Variants in ENOX1 observed in about 807,000 individuals in gnomAD.
The protein encoded by ENOX1 is candidate growth-related and time keeping constitutive hydroquinone (NADH) oxidase.
Under a neutral mutation model 82.5 loss-of-function variants are expected in ENOX1, and 42 were observed. That is an observed-to-expected ratio of 0.51 (90% CI 0.40 to 0.66). The LOEUF is 0.66. ENOX1 is among the 30% of genes least tolerant of loss of function. The pLI is 0.00. For missense variants in ENOX1, 608 were observed against 811.6 expected, an observed-to-expected ratio of 0.75 and a Z score of 3.05; for synonymous variants, 271 against 282.2, an observed-to-expected ratio of 0.96 and a Z score of 0.40.
chr13:43,283,778 C>T (rs778955836), intron 12 of ENOX1, among the ~76,000 whole-genome samples: 1 of 151,810 alleles, frequency 6.6e-6, no homozygotes, highest in Non-Finnish European at 1.5e-5. Flanking sequence ...AAATTGGATG[C>T]TTACCTCACT....
intron 12 of ENOX1, among the ~76,000 whole-genome samples, chr13:43,290,425 AAG>A (rs2045934831): frequency 6.6e-6 from 1 of 152,196 alleles, no homozygotes; most frequent in African/African-American, 2.4e-5. Flanking sequence ...AACCATAAAA[AAG>A]AATGAAATCA....
Position 43,222,968 on chromosome 13 carries a change from G to A in ENOX1, c.1800+1085C>T, listed in dbSNP as rs150697384. Among the ~76,000 whole-genome samples the A allele has an allele frequency of 4.6e-5, 7 of 152,272 alleles. No individual in the cohort carries two copies. In the East Asian group the frequency reaches 1.4e-3, roughly 29 times the overall value. On this transcript the variant is annotated intron_variant, in intron 16 of 16. Transcript: ENST00000690772. ...TGTTTTGTTCTACCCTGTCATGAAA[G>A]GCATGAAATCTGTATGACTGAAAAG...
At chr13:43,359,767 A>C (rs2050377317) in intron 7 of ENOX1, 84 bp downstream of exon 7, 2 of 1,312,202 alleles carry the variant, frequency 1.5e-6, no homozygotes, top group Non-Finnish European at 2.2e-6. Flanking sequence ...TTTATTTTGC[A>C]TGAAGGCCAA....
intron 5 of ENOX1, among the ~76,000 whole-genome samples, chr13:43,396,174 C>T (rs989339393): frequency 2.0e-5 from 3 of 152,288 alleles, no homozygotes; most frequent in South Asian, 2.1e-4. Flanking sequence ...GCCACTGCTA[C>T]GTCAAAAGCC....
chr13:43,691,639 G>T (rs576127751), intron 1 of ENOX1, among the ~76,000 whole-genome samples: 6 of 150,128 alleles, frequency 4.0e-5, no homozygotes, highest in African/African-American at 1.5e-4. Flanking sequence ...CCCTCCCTTG[G>T]TTCATTCCTA....
At chr13:43,714,815 A>C (rs549502130) in intron 1 of ENOX1, among the ~76,000 whole-genome samples, 1 of 152,164 alleles carries the variant, frequency 6.6e-6, no homozygotes, top group South Asian at 2.1e-4. Flanking sequence ...TGTCTCTGCA[A>C]GTGAGATGCG....
At chr13:43,416,207 CTGGG>C (rs1417567772) in intron 3 of ENOX1, among the ~76,000 whole-genome samples, 5 of 127,150 alleles carry the variant, frequency 3.9e-5, no homozygotes, top group East Asian at 2.4e-4. Context: ...GACGGGGCGG[CTGGG>C]CAGAGGCGCT....
chr13:43,382,744 C>T (rs2052142466), intron 5 of ENOX1, among the ~76,000 whole-genome samples: 2 of 152,076 alleles, frequency 1.3e-5, no homozygotes, highest in Non-Finnish European at 2.9e-5. Context: ...TATGTCAAAA[C>T]TTATGAAATT....
At chr13:43,698,605 AGTT>A (rs1038522833) in intron 1 of ENOX1, among the ~76,000 whole-genome samples, 4 of 152,122 alleles carry the variant, frequency 2.6e-5, no homozygotes, top group African/African-American at 9.7e-5. Flanking sequence ...ACAAAAATGA[AGTT>A]TTTTTTTACC....
chr13:43,273,208 C>A (rs1329148440), intron 12 of ENOX1, among the ~76,000 whole-genome samples: 3 of 152,190 alleles, frequency 2.0e-5, no homozygotes, highest in Non-Finnish European at 2.9e-5. Flanking sequence ...GAAGTCAACG[C>A]TGGCCCTTTC....
At chr13:43,295,888 T>C (rs1000546914) in intron 12 of ENOX1, among the ~76,000 whole-genome samples, 6 of 152,188 alleles carry the variant, frequency 3.9e-5, no homozygotes, top group East Asian at 1.9e-4. Flanking sequence ...GAGATAGCCA[T>C]ACACCGCCTA....
chr13:43,461,044 T>C (rs2057463025), intron 3 of ENOX1, among the ~76,000 whole-genome samples: 1 of 152,202 alleles, frequency 6.6e-6, no homozygotes, highest in South Asian at 2.1e-4. Context: ...ACACTGGTGG[T>C]TCTCAATTCT....
intron 2 of ENOX1, among the ~76,000 whole-genome samples, chr13:43,519,410 CA>C (rs1185146364): frequency 6.6e-6 from 1 of 152,102 alleles, no homozygotes; most frequent in African/African-American, 2.4e-5. Context: ...AGCCTAAAAA[CA>C]AAACTTCAAC....
At chr13:43,657,272 G>A (rs1471555362) in intron 2 of ENOX1, among the ~76,000 whole-genome samples, 1 of 152,158 alleles carries the variant, frequency 6.6e-6, no homozygotes, top group African/African-American at 2.4e-5. Context: ...CATAGGACTA[G>A]GCCCAGAGAT....
intron 3 of ENOX1, among the ~76,000 whole-genome samples, chr13:43,424,085 C>T (rs987796287): frequency 6.6e-6 from 1 of 152,122 alleles, no homozygotes; most frequent in African/African-American, 2.4e-5. Context: ...TTCTATAAAC[C>T]ATACACATGG....
At chr13:43,315,220 G>A (rs17556448) in intron 11 of ENOX1, among the ~76,000 whole-genome samples, 15,363 of 152,128 alleles carry the variant, frequency 0.1, 927 homozygotes, top group Middle Eastern at 0.15. Context: ...AAATGACCAG[G>A]TATTATTTTT....
chr13:43,783,291 C>T (rs1952381147), intron 1 of ENOX1, among the ~76,000 whole-genome samples: 2 of 152,238 alleles, frequency 1.3e-5, no homozygotes, highest in Non-Finnish European at 2.9e-5. Flanking sequence ...TCTAGCCTAG[C>T]ATGTCAATGT....
intron 14 of ENOX1, among the ~76,000 whole-genome samples, chr13:43,249,674 T>G (rs2043340211): frequency 6.6e-6 from 1 of 152,166 alleles, no homozygotes; most frequent in South Asian, 2.1e-4. Flanking sequence ...ATATTAAAAT[T>G]TAGAGGGTTT....
chr13:43,463,643 A>G (rs9525782), intron 3 of ENOX1, among the ~76,000 whole-genome samples: 72,907 of 151,998 alleles, frequency 0.48, 17,990 homozygotes, highest in African/African-American at 0.53. Flanking sequence ...ACCATGTGAA[A>G]TTTTTGTTAT....
Sources: gnomAD v4.1 joint callset for allele counts (sites outside exome capture counted in the v4.1 genomes callset) on GRCh38, gnomAD v4.1.1 for gene constraint, MANE v1.5 for transcripts, NCBI Gene and HGNC (gene_info 2026-07-23, HGNC 2026-07-21) for gene names.